GALNT6: variants seen among roughly 807,000 people sequenced by gnomAD.
The protein encoded by GALNT6 is GalNAc transferase 6.
A neutral mutation model predicts 65.9 loss-of-function variants in GALNT6; 51 were observed. The ratio of observed to expected loss-of-function variants is 0.77; its 90% confidence interval spans 0.62 to 0.98. GALNT6 has a LOEUF of 0.98. Among genes scored for constraint, GALNT6 ranks in the 50% least tolerant of loss-of-function variants. The pLI is 0.00. For missense variants in GALNT6, 708 were observed against 803.3 expected (o/e 0.88, Z 1.43); for synonymous variants, 323 against 315.1 (o/e 1.02, Z -0.26).
Position 51,354,442 on chromosome 12 carries a change from G to C in GALNT6, c.1806C>G (p.Asp602Glu). 6.3e-7 allele frequency: 1 copy of C among 1,592,756 alleles called. No homozygotes were observed. Among genetic ancestry groups the C allele is most frequent in the Non-Finnish European group, 8.5e-7 (1 of 1,172,134 alleles). The change falls in exon 12 of 12, where the codon GAC (aspartate) becomes GAG (glutamate). Residue 602 changes from aspartate to glutamate, a missense_variant. Physicochemically the swap from Asp to Glu is conservative, Grantham distance 45. Transcript: ENST00000356317. Reference sequence around the variant, plus strand: ...TGCAGGGGGCCATGGCTGGCTTTTTGTCCTGGGATGTCAGGCAGGTACCAG... The same window carrying C: ...TGCAGGGGGCCATGGCTGGCTTTTTCTCCTGGGATGTCAGGCAGGTACCAG... ...SGSGTCLTSQ[D>E]KKPAMAPCNP...
In GALNT6 at chr12:51,387,224, G is replaced by A. The variant is rs1230346916; in HGVS notation, c.-104+3626C>T. 6.6e-6 allele frequency among the ~76,000 whole-genome samples: 1 copy of A among 151,836 alleles called. No individual in the cohort carries two copies. Among genetic ancestry groups the A allele is most frequent in the East Asian group, 1.9e-4 (1 of 5,172 alleles). On this transcript the variant is annotated intron_variant, in intron 2 of 11. Transcript: ENST00000356317. This position sits in a 1 kb window ranked among gnomAD's most constrained non-coding sequence, Gnocchi z 4.2. The stretch of plus-strand genomic sequence containing the variant: ...GCGATTCTCATCCCTCAGCCTCCCG[G>A]GTAGCTGGGATTACAGGCGCCCGCC...
chr12:51,382,176 G>C (rs1947696265), intron 2 of GALNT6: 1 of 152,166 alleles, frequency 6.6e-6, no homozygotes, highest in Non-Finnish European at 1.5e-5. Context: ...GGAGAGATTT[G>C]TTTATTCCAC....
chr12:51,355,541 C>T (rs1946719264), intron 11 of GALNT6, among the ~76,000 whole-genome samples: 1 of 152,182 alleles, frequency 6.6e-6, no homozygotes, highest in South Asian at 2.1e-4. Flanking sequence ...ACGACCTCAG[C>T]TCACTGCAAC....
intron 4 of GALNT6, among the ~76,000 whole-genome samples, chr12:51,373,632 G>C: frequency 6.6e-6 from 1 of 152,228 alleles, no homozygotes. Flanking sequence ...CATAGGGTTA[G>C]GAGGAGAAAG....
At chr12:51,363,179 C>G (rs1946980242) in intron 6 of GALNT6, among the ~76,000 whole-genome samples, 1 of 152,214 alleles carries the variant, frequency 6.6e-6, no homozygotes, top group African/African-American at 2.4e-5. Flanking sequence ...ATAACAATGA[C>G]ACAAATAATC....
At chr12:51,359,036 A>C in intron 8 of GALNT6, 96 bp downstream of exon 8, 7 of 925,404 alleles carry the variant, frequency 7.6e-6, no homozygotes, top group African/African-American at 1.6e-5. Flanking sequence ...GCCAGATGGT[A>C]GAGATGAGGT....
At chr12:51,366,520 A>AT (rs1191243281) in intron 4 of GALNT6, among the ~76,000 whole-genome samples, 1 of 152,218 alleles carries the variant, frequency 6.6e-6, no homozygotes, top group African/African-American at 2.4e-5. Context: ...TATTAAGAAA[A>AT]TACTTGCACC....
chr12:51,356,514 A>G (rs1184564968), intron 10 of GALNT6, among the ~76,000 whole-genome samples: 1 of 148,364 alleles, frequency 6.7e-6, no homozygotes, highest in African/African-American at 2.5e-5. Context: ...GTGTAGCACC[A>G]CACTCAGCTA....
At chr12:51,361,166 C>A (rs929452343) in intron 6 of GALNT6, among the ~76,000 whole-genome samples, 4 of 152,330 alleles carry the variant, frequency 2.6e-5, no homozygotes, top group East Asian at 1.9e-4. Context: ...TCCTATTCCC[C>A]CAGAGCTCAA....
At chr12:51,380,786 G>A (rs905887031) in intron 2 of GALNT6, among the ~76,000 whole-genome samples, 2 of 152,154 alleles carry the variant, frequency 1.3e-5, no homozygotes, top group South Asian at 4.1e-4. Flanking sequence ...GCAAGACTCC[G>A]TCTCCCCACG....
intron 6 of GALNT6, among the ~76,000 whole-genome samples, chr12:51,363,568 C>G (rs529450432): frequency 6.6e-6 from 1 of 152,208 alleles, no homozygotes; most frequent in Non-Finnish European, 1.5e-5. Context: ...TGGCCCTTCA[C>G]CAAAGAAGTT....
intron 10 of GALNT6, 132 bp downstream of exon 10, chr12:51,357,214 TCTC>T (rs1440853318): frequency 3.2e-6 from 2 of 626,734 alleles, no homozygotes; most frequent in Non-Finnish European, 5.8e-6. Context: ...TGTTATGCCT[TCTC>T]CTCCGACTGG....
At chr12:51,382,629 T>C (rs557711523) in intron 2 of GALNT6, 2 of 152,582 alleles carry the variant, frequency 1.3e-5, no homozygotes, top group South Asian at 2.1e-4. Context: ...TTGTTCATCA[T>C]GCTGAGGAGC....
Position 51,379,557 on chromosome 12 carries a change from A to G in GALNT6, c.225T>C (p.Ala75=). ...RDSMPKLQIR[A]PEAQQTLFSI... ...AGAACAGAGTCTGCTGGGCTTCTGGAGCCCTGATTTGGAGCTTGGGCATTG... is the reference window on the plus strand; with the variant it reads ...AGAACAGAGTCTGCTGGGCTTCTGGGGCCCTGATTTGGAGCTTGGGCATTG... Residue 75 remains alanine (A), a synonymous_variant, in exon 3 of 12, where the codon GCT becomes GCC. Transcript: ENST00000356317. 1 of 1,614,134 alleles carries G rather than the reference A, an allele frequency of 6.2e-7. No homozygotes were observed. The highest frequency in any genetic ancestry group is 8.5e-7 in the Non-Finnish European group (1 of 1,180,020).
At chr12:51,355,760 C>A in intron 11 of GALNT6, 46 bp downstream of exon 11, 1 of 1,593,792 alleles carries the variant, frequency 6.3e-7, no homozygotes, top group Non-Finnish European at 8.6e-7. Context: ...AGCCACCACA[C>A]CTGGCCTCAA....
chr12:51,363,396 C>G (rs1024998317), intron 6 of GALNT6, among the ~76,000 whole-genome samples: 9 of 152,100 alleles, frequency 5.9e-5, no homozygotes, highest in Non-Finnish European at 1.2e-4. Flanking sequence ...GGCTGGCACA[C>G]AAGAGCCTGT....
At chr12:51,369,209 G>C (rs1020858263) in intron 4 of GALNT6, among the ~76,000 whole-genome samples, 2 of 152,184 alleles carry the variant, frequency 1.3e-5, no homozygotes, top group East Asian at 1.9e-4. Context: ...CTCAGGGGGG[G>C]CCCCGAGCAC....
intron 2 of GALNT6, among the ~76,000 whole-genome samples, chr12:51,380,444 G>C (rs929133215): frequency 6.6e-6 from 1 of 152,212 alleles, no homozygotes; most frequent in Non-Finnish European, 1.5e-5. Flanking sequence ...CAACAATGTG[G>C]ATGTGTTGTT....
intron 4 of GALNT6, among the ~76,000 whole-genome samples, chr12:51,370,047 G>T (rs957786484): frequency 9.9e-5 from 15 of 152,108 alleles, no homozygotes; most frequent in Admixed American, 7.2e-4. Context: ...ACTAAAGACA[G>T]AATTACCATA....
Sources: allele counts gnomAD v4.1 joint callset (sites outside exome capture counted in the v4.1 genomes callset), GRCh38; gene constraint gnomAD v4.1.1; non-coding constraint Gnocchi (gnomAD v3.1); transcripts MANE v1.5; gene names NCBI Gene and HGNC (gene_info 2026-07-23, HGNC 2026-07-21).